Variants in BAZ2B observed in about 807,000 individuals in gnomAD.
BAZ2B encodes the protein bromodomain adjacent to zinc finger domain 2B.
Under a neutral mutation model 246.0 loss-of-function variants are expected in BAZ2B, and 91 were observed. That is an observed-to-expected ratio of 0.37 (90% CI 0.31 to 0.44). The LOEUF is 0.44. Among genes scored for constraint, BAZ2B ranks in the 20% least tolerant of loss-of-function variants. The pLI is 1.00. For synonymous variants in BAZ2B, 855 were observed against 860.0 expected, an observed-to-expected ratio of 0.99 and a Z score of 0.10; for missense variants, 2,332 against 2,533.7, an observed-to-expected ratio of 0.92 and a Z score of 1.71.
At chr2:159,588,741 T>C (rs557473463) in intron 1 of BAZ2B, among the ~76,000 whole-genome samples, 81 of 152,348 alleles carry the variant, frequency 5.3e-4, no homozygotes, top group African/African-American at 1.8e-3. Context: ...TGAGAACCAT[T>C]GCTTAGCTTT....
chr2:159,419,463 A>T (rs2068343657), intron 13 of BAZ2B, among the ~76,000 whole-genome samples: 1 of 152,206 alleles, frequency 6.6e-6, no homozygotes, highest in African/African-American at 2.4e-5. Context: ...GTAGGCAGTG[A>T]AAGGGTGATA....
At chr2:159,508,223 CCATCA>C (rs1229184967) in intron 2 of BAZ2B, among the ~76,000 whole-genome samples, 4 of 152,146 alleles carry the variant, frequency 2.6e-5, no homozygotes, top group Non-Finnish European at 5.9e-5. Context: ...AATAGAACTT[CCATCA>C]CAAGTTCAGC....
the BAZ2B span, among the ~76,000 whole-genome samples, chr2:159,630,931 C>T: frequency 5.9e-5 from 9 of 152,140 alleles, no homozygotes; most frequent in African/African-American, 1.9e-4. Context: ...CAGTGGCTCA[C>T]GTGTGTAGTC....
intron 1 of BAZ2B, among the ~76,000 whole-genome samples, chr2:159,594,382 G>A (rs1361857675): frequency 1.3e-5 from 2 of 152,124 alleles, no homozygotes; most frequent in African/African-American, 4.8e-5. Context: ...GCTCCAGCCT[G>A]GGCAACAGAG....
chr2:159,609,003 C>T (rs747707), intron 1 of BAZ2B, among the ~76,000 whole-genome samples: 47,531 of 152,046 alleles, frequency 0.31, 9,375 homozygotes, highest in Admixed American at 0.48. Flanking sequence ...CATTGTAAAT[C>T]ACTCAGGTAT....
chr2:159,453,552 T>C, intron 4 of BAZ2B, 61 bp downstream of exon 4: 8 of 1,474,066 alleles, frequency 5.4e-6, no homozygotes. Context: ...AGACAAATTA[T>C]TGCTTGAACA....
chr2:159,503,568 T>C (rs1169746971), intron 2 of BAZ2B, among the ~76,000 whole-genome samples: 2 of 152,080 alleles, frequency 1.3e-5, no homozygotes, highest in Non-Finnish European at 1.5e-5. Context: ...TTATCTGCCT[T>C]CTTCTTTTTT....
chr2:159,349,446 CTTAT>C (rs1054002933), intron 28 of BAZ2B, among the ~76,000 whole-genome samples, 166 bp from the exon 29 acceptor site: 2 of 152,154 alleles, frequency 1.3e-5, no homozygotes, highest in African/African-American at 4.8e-5. Context: ...ATTCCATGTT[CTTAT>C]TTGTTTCCCA....
At chr2:159,397,425 GAGA>G (rs748352676) in intron 18 of BAZ2B, 36 bp from the exon 19 acceptor site, 7 of 1,383,322 alleles carry the variant, frequency 5.1e-6, no homozygotes, top group African/African-American at 1.5e-5. Flanking sequence ...GTGATTTTTA[GAGA>G]AGATTTAGAA....
chr2:159,397,708 G>C (rs1193795033), intron 18 of BAZ2B, among the ~76,000 whole-genome samples: 1 of 152,060 alleles, frequency 6.6e-6, no homozygotes. Context: ...GAACCAACTA[G>C]CTAGATGGTC....
chr2:159,697,469 T>C, the BAZ2B span, among the ~76,000 whole-genome samples: 2 of 152,200 alleles, frequency 1.3e-5, no homozygotes, highest in East Asian at 1.9e-4. Flanking sequence ...TCCAAAATAA[T>C]GTAAAAGTCT....
At chr2:159,506,284 T>C (rs566314591) in intron 2 of BAZ2B, among the ~76,000 whole-genome samples, 75 of 151,956 alleles carry the variant, frequency 4.9e-4, no homozygotes, top group Admixed American at 9.2e-4. Context: ...CTCACCTATA[T>C]CCAGAGCGAG....
At chr2:159,617,133 T>C (rs1482232518), upstream of BAZ2B, 1 of 152,206 alleles carries the variant, frequency 6.6e-6, no homozygotes, top group Non-Finnish European at 1.5e-5. Flanking sequence ...GTAATCTCGA[T>C]AGCTTTTTTT....
At chr2:159,481,509 C>G (rs2079225659) in intron 2 of BAZ2B, among the ~76,000 whole-genome samples, 1 of 151,572 alleles carries the variant, frequency 6.6e-6, no homozygotes, top group Non-Finnish European at 1.5e-5. Context: ...TGAGGAGAAA[C>G]AGGATATTTG....
At chr2:159,374,610 A>T (rs1182743610) in intron 26 of BAZ2B, 81 bp downstream of exon 26, 1 of 1,215,336 alleles carries the variant, frequency 8.2e-7, no homozygotes, top group Non-Finnish European at 1.2e-6. Context: ...TTTGCTTAGC[A>T]GTCAGAAAAA....
At chr2:159,565,282 C>T (rs1418556574) in intron 1 of BAZ2B, among the ~76,000 whole-genome samples, 1 of 152,144 alleles carries the variant, frequency 6.6e-6, no homozygotes, top group Non-Finnish European at 1.5e-5. Flanking sequence ...ATGAAAGCAG[C>T]ATATGTGGAC....
intron 1 of BAZ2B, among the ~76,000 whole-genome samples, chr2:159,582,091 A>T (rs1686953236): frequency 6.6e-6 from 1 of 152,242 alleles, no homozygotes; most frequent in African/African-American, 2.4e-5. Flanking sequence ...ACATCACTGT[A>T]TAATCCTTTT....
intron 27 of BAZ2B, among the ~76,000 whole-genome samples, chr2:159,359,661 A>C (rs1265240403): frequency 3.9e-5 from 6 of 152,188 alleles, no homozygotes; most frequent in Admixed American, 3.9e-4. Flanking sequence ...AAAAAAGAAA[A>C]TTTCAGGCCA....
At chr2:159,400,856 C>T (rs759871659) in intron 16 of BAZ2B, among the ~76,000 whole-genome samples, 192 bp from the exon 17 acceptor site, 24 of 151,980 alleles carry the variant, frequency 1.6e-4, no homozygotes, top group South Asian at 4.1e-4. Flanking sequence ...CTGGCTAACA[C>T]AGTGAAACCT....
Sources: gnomAD v4.1 joint callset for allele counts (sites outside exome capture counted in the v4.1 genomes callset) on GRCh38, gnomAD v4.1.1 for gene constraint, MANE v1.5 for transcripts, NCBI Gene and HGNC (gene_info 2026-07-23, HGNC 2026-07-21) for gene names.